Variants in TAFA5 observed in about 807,000 individuals in gnomAD.
TAFA5 encodes the protein TAFA chemokine like family member 5.
TAFA5 carries 6 observed loss-of-function variants against 15.3 expected under a neutral mutation model. The ratio of observed to expected loss-of-function variants is 0.39; its 90% CI spans 0.21 to 0.77. The LOEUF (loss-of-function observed/expected upper bound fraction) is 0.77. Among genes scored for constraint, TAFA5 ranks in the 30% least tolerant of loss-of-function variants. The pLI, the probability that TAFA5 is intolerant of heterozygous loss-of-function variation, is 0.41. For missense variants in TAFA5, 161 were observed against 193.1 expected (o/e 0.83, Z 0.98); for synonymous variants, 103 against 80.7 (o/e 1.28, Z -1.48).
chr22:48,642,165 G>C (rs1341800642), intron 1 of TAFA5, among the ~76,000 whole-genome samples: 2 of 152,154 alleles, frequency 1.3e-5, no homozygotes, highest in African/African-American at 4.8e-5. Flanking sequence ...GCTGCGTGGG[G>C]CAGCCTGGTG....
chr22:48,682,818 G>A (rs1199378297), intron 2 of TAFA5, among the ~76,000 whole-genome samples: 1 of 152,052 alleles, frequency 6.6e-6, no homozygotes, highest in Non-Finnish European at 1.5e-5. Context: ...TTGTGCGTGT[G>A]TTTATTTCTA....
Position 48,722,950 on chromosome 22 carries a change from A to G in TAFA5, c.390+15106A>G, listed in dbSNP as rs1019069262. The stretch of plus-strand genomic sequence containing the variant: ...AATCCAGAAAGCCACGGAGGCTTCT[A>G]TGGACTTGCAGGGGAGCCCGTCTTC... On this transcript the variant is annotated intron_variant, in intron 3 of 3. Transcript: ENST00000402357. Among the ~76,000 whole-genome samples the G allele has an allele frequency of 8.5e-5, 13 of 152,196 alleles. 1 individual carries two copies. Among genetic ancestry groups the G allele is most frequent in the Non-Finnish European group, 1.9e-4 (13 of 68,040 alleles).
At chr22:48,575,919 G>T (rs1484236118) in intron 1 of TAFA5, among the ~76,000 whole-genome samples, 1 of 144,100 alleles carries the variant, frequency 6.9e-6, no homozygotes, top group Non-Finnish European at 1.5e-5. Flanking sequence ...CCCCGGGCCG[G>T]AGCGAGCGCG....
chr22:48,562,645 C>T (rs937412567), intron 1 of TAFA5, among the ~76,000 whole-genome samples: 28 of 152,136 alleles, frequency 1.8e-4, no homozygotes, highest in Admixed American at 3.3e-4. Flanking sequence ...CCAAGGCCCT[C>T]GGGACTCCAC....
intron 1 of TAFA5, among the ~76,000 whole-genome samples, chr22:48,491,220 G>A (rs919379512): frequency 2.0e-5 from 3 of 152,142 alleles, no homozygotes; most frequent in Admixed American, 1.3e-4. Flanking sequence ...CGAGTTTTCC[G>A]CGGCCGTCAC....
intron 1 of TAFA5, among the ~76,000 whole-genome samples, chr22:48,631,441 G>C (rs1393292273): frequency 1.3e-5 from 2 of 152,212 alleles, no homozygotes; most frequent in African/African-American, 2.4e-5. Context: ...CCCGGCACCG[G>C]TGCGGCCCGT....
rs922665669 is a variant in TAFA5, at chr22:48,566,367, G to A, written c.112+76663G>A. ...AATGGATGGTGATGGGTGGACGGAT[G>A]GTGGATGGATGGGTGGATGGTGAAT... On this transcript the variant is annotated intron_variant, in intron 1 of 3. Coordinates refer to ENST00000402357, the MANE Select transcript of TAFA5 (RefSeq NM_001082967.3). This position sits in a 1 kb window ranked among gnomAD's most constrained non-coding sequence, Gnocchi z 4.5. 1.3e-5 allele frequency among the ~76,000 whole-genome samples: 2 copies of A among 151,966 alleles called. 1 individual carries two copies. The highest frequency in any genetic ancestry group is 4.2e-4 in the South Asian group (2 of 4,798).
At chr22:48,692,876 C>A (rs1273897780) in intron 2 of TAFA5, among the ~76,000 whole-genome samples, 1 of 152,248 alleles carries the variant, frequency 6.6e-6, no homozygotes, top group Non-Finnish European at 1.5e-5. Flanking sequence ...CAGCCCAGAG[C>A]TTGCTTGGGA....
chr22:48,697,370 A>T (rs1928745767), intron 2 of TAFA5, among the ~76,000 whole-genome samples: 1 of 152,020 alleles, frequency 6.6e-6, no homozygotes. Flanking sequence ...AATGATGACG[A>T]TGATGATGGT....
chr22:48,659,151 G>A (rs1482557369), intron 2 of TAFA5, among the ~76,000 whole-genome samples: 3 of 152,224 alleles, frequency 2.0e-5, no homozygotes, highest in African/African-American at 7.2e-5. Flanking sequence ...CTGCAGAGGC[G>A]GGACACAGGC....
At chr22:48,588,122 G>A (rs949993688) in intron 1 of TAFA5, among the ~76,000 whole-genome samples, 1 of 152,196 alleles carries the variant, frequency 6.6e-6, no homozygotes, top group African/African-American at 2.4e-5. Context: ...TGTTCACCAG[G>A]GGTCAGCATT....
intron 1 of TAFA5, among the ~76,000 whole-genome samples, chr22:48,502,129 A>G (rs2147096458): frequency 6.6e-6 from 1 of 152,346 alleles, no homozygotes; most frequent in East Asian, 1.9e-4. Context: ...CAGTTTTATG[A>G]CAATGAACAT....
chr22:48,693,337 G>A (rs1312783136), intron 2 of TAFA5: 2 of 1,612,280 alleles, frequency 1.2e-6, no homozygotes, highest in Non-Finnish European at 1.7e-6. Context: ...GGAAAAACCA[G>A]GAAAGCACAA....
intron 3 of TAFA5, among the ~76,000 whole-genome samples, chr22:48,739,924 A>T (rs1277976465): frequency 6.6e-6 from 1 of 152,166 alleles, no homozygotes; most frequent in African/African-American, 2.4e-5. Flanking sequence ...CAGGACGTTG[A>T]GTCAGCAGAA....
chr22:48,652,285 G>A (rs1927082731), intron 2 of TAFA5, among the ~76,000 whole-genome samples: 2 of 152,254 alleles, frequency 1.3e-5, no homozygotes, highest in South Asian at 4.1e-4. Flanking sequence ...GGCCGAGTCA[G>A]CCTGCATCTA....
chr22:48,612,367 G>A (rs932607788), intron 1 of TAFA5, among the ~76,000 whole-genome samples: 40 of 152,344 alleles, frequency 2.6e-4, no homozygotes, highest in South Asian at 2.1e-4. Context: ...GCCTGTGCGC[G>A]TCTTGGGAGA....
intron 1 of TAFA5, among the ~76,000 whole-genome samples, chr22:48,499,856 G>T (rs757104857): frequency 3.9e-5 from 6 of 152,164 alleles, no homozygotes; most frequent in Non-Finnish European, 7.3e-5. Flanking sequence ...CGTGGAGTGT[G>T]CTTCTGTTAT....
At chr22:48,693,710 T>G (rs1296864527) in intron 2 of TAFA5, among the ~76,000 whole-genome samples, 1 of 152,014 alleles carries the variant, frequency 6.6e-6, no homozygotes, top group East Asian at 1.9e-4. Context: ...ATTCCTACTC[T>G]CTCTCAGTCC....
intron 1 of TAFA5, among the ~76,000 whole-genome samples, chr22:48,630,153 G>C (rs1282212042): frequency 6.6e-6 from 1 of 151,480 alleles, no homozygotes; most frequent in African/African-American, 2.4e-5. Context: ...TGCAGAACGG[G>C]GGCGGGGGAT....
Sources: gnomAD v4.1 joint callset for allele counts (sites outside exome capture counted in the v4.1 genomes callset) on GRCh38, gnomAD v4.1.1 for gene constraint, Gnocchi (gnomAD v3.1) non-coding constraint, MANE v1.5 for transcripts, NCBI Gene and HGNC (gene_info 2026-07-23, HGNC 2026-07-21) for gene names.